The following CCDC7 variants were observed in gnomAD, a reference collection of about 807,000 sequenced individuals.
CCDC7 encodes coiled-coil domain-containing protein 7.
CCDC7 carries 183 observed loss-of-function variants against 196.9 expected under a neutral mutation model. That is an observed-to-expected ratio of 0.93 (90% CI 0.82 to 1.05). The LOEUF (loss-of-function observed/expected upper bound fraction) is 1.05, where lower values mean the gene tolerates loss of function less well. Among genes scored for constraint, CCDC7 ranks in the 50% least tolerant of loss-of-function variants. The pLI is 0.00. For synonymous variants in CCDC7, 525 were observed against 484.6 expected (o/e 1.08, Z -1.10); for missense variants, 1,540 against 1,482.2 (o/e 1.04, Z -0.64).
intron 28 of CCDC7, among the ~76,000 whole-genome samples, chr10:32,752,168 C>T (rs947398297): frequency 4.6e-5 from 7 of 152,052 alleles, no homozygotes; most frequent in Non-Finnish European, 7.4e-5. Context: ...TCACCGTGGC[C>T]TCTTGGTACT....
intron 38 of CCDC7, among the ~76,000 whole-genome samples, chr10:32,848,340 A>G (rs982654054): frequency 6.6e-6 from 1 of 152,186 alleles, no homozygotes; most frequent in Non-Finnish European, 1.5e-5. Flanking sequence ...AGAAATGAAC[A>G]TTTGGTCAAA....
intron 9 of CCDC7, chr10:32,514,168 G>T (rs939461354): frequency 7.2e-5 from 11 of 152,124 alleles, no homozygotes; most frequent in Non-Finnish European, 8.8e-5. Context: ...AAAACAATTT[G>T]TATTTCTATA....
chr10:32,635,318 T>G (rs2065454912), intron 20 of CCDC7, among the ~76,000 whole-genome samples, 160 bp downstream of exon 21: 2 of 152,220 alleles, frequency 1.3e-5, no homozygotes, highest in African/African-American at 4.8e-5. Flanking sequence ...GATGTGTTAA[T>G]TTTTCCACTA....
At chr10:32,559,801 A>C (rs2055104173) in intron 13 of CCDC7, among the ~76,000 whole-genome samples, 1 of 152,252 alleles carries the variant, frequency 6.6e-6, no homozygotes, top group Admixed American at 6.5e-5. Context: ...CCTCACCAGC[A>C]ATGGAAGAAA....
rs1260024575 is a variant in CCDC7 at position 32,639,709 on chromosome 10, G to A, written c.2014+4551G>A. Among the ~76,000 whole-genome samples, 4 of 149,870 alleles carry A rather than the reference G, an allele frequency of 2.7e-5. No individual in the cohort carries two copies. The East Asian group carries it at 8.0e-4, about 30-fold the overall frequency. On this transcript the variant is annotated intron_variant, in intron 20 of 41. Coordinates refer to ENST00000639629, the Ensembl canonical transcript of CCDC7. ...GTGGCACGATCTCGGCTCACTTCAA[G>A]TTCTGCCTCCTGGCTTCACGCCATT... is the stretch of plus-strand genomic sequence containing the variant.
chr10:32,651,854 T>C (rs1262089288), intron 20 of CCDC7, among the ~76,000 whole-genome samples: 1 of 152,226 alleles, frequency 6.6e-6, no homozygotes, highest in Non-Finnish European at 1.5e-5. Context: ...ATGCTGACAT[T>C]AGCCATTAGG....
At chr10:32,724,746 G>A (rs542138277) in intron 25 of CCDC7, among the ~76,000 whole-genome samples, 50 of 152,098 alleles carry the variant, frequency 3.3e-4, no homozygotes, top group African/African-American at 1.1e-3. Flanking sequence ...TACCTTAGTC[G>A]AGCTCTCTAC....
At chr10:32,821,231 C>T (rs186607394) in intron 31 of CCDC7, among the ~76,000 whole-genome samples, 5,892 of 152,160 alleles carry the variant, frequency 0.039, 121 homozygotes, top group Middle Eastern at 0.051. Context: ...TCACTGGCCA[C>T]CAGAGAAATG....
At chr10:32,597,758 G>T (rs983448540) in intron 18 of CCDC7, among the ~76,000 whole-genome samples, 1 of 152,216 alleles carries the variant, frequency 6.6e-6, no homozygotes, top group Admixed American at 6.5e-5. Context: ...ACCGTCAGCT[G>T]CCGGTCTCTT....
At chr10:32,750,111 T>C (rs2075426670) in intron 28 of CCDC7, among the ~76,000 whole-genome samples, 1 of 152,214 alleles carries the variant, frequency 6.6e-6, no homozygotes, top group Non-Finnish European at 1.5e-5. Flanking sequence ...AATTATAATA[T>C]AATTTTTGAA....
chr10:32,822,546 T>C (rs1057338728), intron 31 of CCDC7, among the ~76,000 whole-genome samples: 1 of 152,120 alleles, frequency 6.6e-6, no homozygotes, highest in Non-Finnish European at 1.5e-5. Context: ...AAGAAATAAT[T>C]ATAACAATAA....
intron 21 of CCDC7, among the ~76,000 whole-genome samples, chr10:32,669,805 TTTG>T (rs944111594): frequency 3.7e-4 from 56 of 152,304 alleles, no homozygotes; most frequent in South Asian, 1.0e-3. Flanking sequence ...CTTTTCTTTT[TTTG>T]TTGTTGTTGT....
intron 30 of CCDC7, among the ~76,000 whole-genome samples, chr10:32,810,881 A>G (rs1274999337): frequency 6.6e-6 from 1 of 152,152 alleles, no homozygotes; most frequent in African/African-American, 2.4e-5. Context: ...GAACTGTGCA[A>G]ACACATGGAA....
chr10:32,629,433 A>G (rs1051004917), intron 18 of CCDC7, among the ~76,000 whole-genome samples: 8 of 152,030 alleles, frequency 5.3e-5, no homozygotes, highest in African/African-American at 1.9e-4. Context: ...CAGCTCCCAC[A>G]GATAGGTGAT....
At chr10:32,574,543 A>G in intron 16 of CCDC7, 3 of 1,371,562 alleles carry the variant, frequency 2.2e-6, no homozygotes, top group South Asian at 1.7e-5. Flanking sequence ...CTTACAATAA[A>G]GTACATTTTT....
chr10:32,870,923 C>T (rs1201117093), intron 41 of CCDC7, among the ~76,000 whole-genome samples: 4 of 152,146 alleles, frequency 2.6e-5, no homozygotes, highest in Non-Finnish European at 4.4e-5. Context: ...GTTGAACCAG[C>T]CTTGCATCCC....
chr10:32,771,192 A>G (rs2079107981), intron 28 of CCDC7, among the ~76,000 whole-genome samples: 1 of 152,190 alleles, frequency 6.6e-6, no homozygotes, highest in African/African-American at 2.4e-5. Context: ...TCAAGAAATT[A>G]TATTTCAGTG....
intron 32 of CCDC7, among the ~76,000 whole-genome samples, chr10:32,830,108 T>TTA (rs1436276997): frequency 3.3e-5 from 1 of 30,374 alleles, no homozygotes; most frequent in African/African-American, 7.6e-5. Flanking sequence ...CTATTAGTTC[T>TTA]TATATATATA....
At chr10:32,644,214 C>T (rs887368001) in intron 20 of CCDC7, among the ~76,000 whole-genome samples, 2 of 152,044 alleles carry the variant, frequency 1.3e-5, no homozygotes, top group East Asian at 1.9e-4. Flanking sequence ...CATTCAAAAT[C>T]TTCTTGTCTA....
Sources: gnomAD v4.1 joint callset for allele counts (sites outside exome capture counted in the v4.1 genomes callset) on GRCh38, gnomAD v4.1.1 for gene constraint, MANE v1.5 for transcripts, NCBI Gene and HGNC (gene_info 2026-07-23, HGNC 2026-07-21) for gene names.